Variants in A2ML1 observed in about 807,000 individuals in gnomAD.
The protein encoded by A2ML1 is alpha-2-macroglobulin like 1, also known as alpha-2-macroglobulin-like protein 1.
A2ML1 carries 161 observed loss-of-function variants against 181.9 expected under a neutral mutation model. The observed-to-expected ratio is 0.89, with a 90% CI of 0.78 to 1.01. The LOEUF (loss-of-function observed/expected upper bound fraction) is 1.01, where lower values mean the gene tolerates loss of function less well. A2ML1 is among the 50% of genes least tolerant of loss of function. The pLI is 0.00. For missense variants in A2ML1, 1,670 were observed against 1,768.1 expected, an observed-to-expected ratio of 0.94 and a Z score of 1.00; for synonymous variants, 663 against 666.8, an observed-to-expected ratio of 0.99 and a Z score of 0.09.
rs1320129583 is a variant in A2ML1, at chr12:8,863,978, C to T, written c.3687C>T (p.His1229=). The part of the protein sequence containing the change: ...TSIVAWLAKQ[H]NAYGGFSSTQ... ...TAGTGGCTTGGTTGGCCAAGCAACA[C>T]AATGCATATGGGGGCTTCTCTTCTA... The change falls in exon 29 of 36, where the codon CAC becomes CAT. Residue 1229 remains histidine (H), a synonymous_variant. Transcript: ENST00000299698. The T allele has an allele frequency of 1.9e-6, 3 of 1,612,636 alleles. No homozygotes were observed. Among genetic ancestry groups the T allele is most frequent in the Non-Finnish European group, 2.5e-6 (3 of 1,179,914 alleles).
intron 33 of A2ML1, among the ~76,000 whole-genome samples, chr12:8,871,728 T>A (rs1280586767): frequency 6.6e-6 from 1 of 152,146 alleles, no homozygotes; most frequent in Non-Finnish European, 1.5e-5. Context: ...TCTTATTAAA[T>A]TTTCCTTATA....
chr12:8,835,338 A>G (rs1943236869), intron 5 of A2ML1, among the ~76,000 whole-genome samples, 169 bp from the exon 6 acceptor site: 1 of 152,252 alleles, frequency 6.6e-6, no homozygotes, highest in Admixed American at 6.5e-5. Context: ...ATTCCGCCAT[A>G]AAGAAAGTTA....
chr12:8,879,946 C>G (rs539833464), downstream of A2ML1, among the ~76,000 whole-genome samples: 115 of 152,086 alleles, frequency 7.6e-4, no homozygotes, highest in Middle Eastern at 3.4e-3. Flanking sequence ...CCTGGGAATA[C>G]AAAGATAAAT....
intron 5 of A2ML1, 133 bp from the exon 6 acceptor site, chr12:8,835,374 C>A: frequency 9.4e-7 from 1 of 1,064,140 alleles, no homozygotes. Flanking sequence ...GCTGCTCTTC[C>A]TGGACACAGA....
intron 33 of A2ML1, among the ~76,000 whole-genome samples, chr12:8,870,574 G>T (rs755926366): frequency 6.6e-6 from 1 of 152,164 alleles, no homozygotes; most frequent in Non-Finnish European, 1.5e-5. Flanking sequence ...GCCGAGTTGT[G>T]TATAGTTTCT....
chr12:8,839,207 C>T lies in A2ML1; in HGVS notation c.1065C>T (p.Phe355=), dbSNP rs1420670296. 1 of 1,613,026 alleles carries T rather than the reference C, an allele frequency of 6.2e-7. No homozygotes were observed. Among genetic ancestry groups the T allele is most frequent in the Admixed American group, 1.7e-5 (1 of 59,954 alleles). Residue 355 remains phenylalanine (F), a synonymous_variant, in exon 10 of 36, where the codon TTC becomes TTT. Coordinates refer to ENST00000299698, the MANE Select transcript of A2ML1 (RefSeq NM_144670.6). ...EDTSNFYHPN[F]PFSGKIRVRG... is the part of the protein sequence containing the mutation. ...CCAGCAATTTTTACCATCCAAATTT[C>T]CCCTTCAGTGGGAAGGTATGTTAAA... is the stretch of plus-strand genomic sequence containing the variant.
intron 12 of A2ML1, chr12:8,844,886 A>T: frequency 3.7e-6 from 3 of 803,068 alleles, no homozygotes; most frequent in African/African-American, 3.6e-5. Flanking sequence ...CCGACCTTGG[A>T]GCCCTGCAGG....
intron 10 of A2ML1, 36 bp downstream of exon 10, chr12:8,839,258 T>A: frequency 6.7e-7 from 1 of 1,501,708 alleles, no homozygotes. Flanking sequence ...GACAAAAAAA[T>A]GCATAACCAT....
chr12:8,868,335 T>G lies in A2ML1; in HGVS notation c.4039T>G (p.Leu1347Val). ...RCEQPTSPRS[L>V]TLTIHTSYVG... ...TGAGCAACCGACTTCACCTCGATCC[T>G]TGACTCTCACTATTCACACCAGGTG... Residue 1347 changes from leucine (L) to valine (V), a missense_variant, in exon 31 of 36, where the codon TTG becomes GTG. Coordinates refer to ENST00000299698, the MANE Select transcript of A2ML1 (RefSeq NM_144670.6). The G allele has an allele frequency of 6.2e-7, 1 of 1,613,598 alleles. No homozygotes were observed. Among genetic ancestry groups the G allele is most frequent in the South Asian group, 1.1e-5 (1 of 90,854 alleles).
chr12:8,836,609 G>C (rs1032266698), intron 7 of A2ML1, among the ~76,000 whole-genome samples: 3 of 150,670 alleles, frequency 2.0e-5, no homozygotes, highest in African/African-American at 4.9e-5. Flanking sequence ...TCAACCTCTA[G>C]AGTAGCTGGG....
rs762980682 is a variant in A2ML1, at chr12:8,851,823, C to A, written c.2274C>A (p.Asp758Glu). The change falls in exon 19 of 36, where the codon GAC becomes GAA. Residue 758 changes from aspartate to glutamate, a missense_variant. Physicochemically the swap from Asp to Glu is conservative, Grantham distance 45. Coordinates refer to ENST00000299698, the MANE Select transcript of A2ML1 (RefSeq NM_144670.6). ...AGGCGGTCCACGTCACAGTTCCTGA[C>A]GCCATCACCGAGTGGAAGGCGATGA... is the stretch of plus-strand genomic sequence containing the variant. ...GKEAVHVTVP[D>E]AITEWKAMSF... 14 of 1,614,184 alleles carry A rather than the reference C, an allele frequency of 8.7e-6. No homozygotes were observed. The Admixed American group carries it at 1.5e-4, about 17-fold the overall frequency.
At chr12:8,826,626 GTTTT>G (rs1040230815) in intron 3 of A2ML1, among the ~76,000 whole-genome samples, 3 of 151,590 alleles carry the variant, frequency 2.0e-5, no homozygotes, top group Non-Finnish European at 4.4e-5. Context: ...TTTTGTTTTT[GTTTT>G]TTTGTTTTTT....
chr12:8,839,811 G>A (rs1051479921), intron 10 of A2ML1, among the ~76,000 whole-genome samples: 3 of 151,810 alleles, frequency 2.0e-5, no homozygotes, highest in Non-Finnish European at 4.4e-5. Flanking sequence ...GCAATGGCGC[G>A]ATCTCTGTTC....
intron 4 of A2ML1, among the ~76,000 whole-genome samples, chr12:8,831,739 TTTTTTG>T (rs1010242171): frequency 1.1e-3 from 162 of 151,574 alleles, no homozygotes; most frequent in Non-Finnish European, 1.6e-3. Context: ...AATCGAGTTT[TTTTTTG>T]TTTTTGTTTT....
chr12:8,861,235 C>T lies in A2ML1; in HGVS notation c.3440C>T (p.Ala1147Val). ...CTGTTGGCTTACATTTTCTCCCTGG[C>T]TGGGGAAATGGACATCAGAAACATT... ...QALLAYIFSL[A>V]GEMDIRNILL... The change falls in exon 28 of 36, where the codon GCT (alanine) becomes GTT (valine). Residue 1147 changes from alanine (A) to valine (V), a missense_variant. Physicochemically the swap from Ala to Val is moderately conservative, Grantham distance 64. Transcript: ENST00000299698. 1 of 1,614,124 alleles carries T rather than the reference C, an allele frequency of 6.2e-7. No homozygotes were observed. The highest frequency in any genetic ancestry group is 8.5e-7 in the Non-Finnish European group (1 of 1,180,022).
chr12:8,860,763 C>G, intron 26 of A2ML1, 118 bp from the exon 27 acceptor site: 2 of 871,518 alleles, frequency 2.3e-6, no homozygotes, highest in South Asian at 3.1e-5. Flanking sequence ...GCTTTCTTTT[C>G]TTTTTTCTTT....
rs370203983 is a variant in A2ML1, at chr12:8,851,843, C to T, written c.2294C>T (p.Ala765Val). The part of the protein sequence containing the change: ...TVPDAITEWK[A>V]MSFCTSQSRG... ...CCTGACGCCATCACCGAGTGGAAGG[C>T]GATGAGTTTCTGCACTTCCCAGTCA... The change falls in exon 19 of 36, where the codon GCG becomes GTG. Residue 765 changes from alanine to valine, a missense_variant. Transcript: ENST00000299698. 4.2e-5 allele frequency: 67 copies of T among 1,614,224 alleles called. No homozygotes were observed. Among genetic ancestry groups the T allele is most frequent in the Middle Eastern group, 3.3e-4 (2 of 6,060 alleles).
intron 20 of A2ML1, among the ~76,000 whole-genome samples, chr12:8,853,681 T>G (rs1188365876): frequency 6.6e-6 from 1 of 152,160 alleles, no homozygotes; most frequent in Non-Finnish European, 1.5e-5. Flanking sequence ...ACTCAGTATC[T>G]CATCACATGA....
At chr12:8,847,380 C>T (rs781388118) in intron 14 of A2ML1, among the ~76,000 whole-genome samples, 169 bp from the exon 15 acceptor site, 15 of 152,236 alleles carry the variant, frequency 9.9e-5, no homozygotes, top group Non-Finnish European at 1.6e-4. Flanking sequence ...AACTCTATCA[C>T]GGCATACACG....
Sources: allele counts gnomAD v4.1 joint callset (sites outside exome capture counted in the v4.1 genomes callset), GRCh38; gene constraint gnomAD v4.1.1; transcripts MANE v1.5; gene names NCBI Gene and HGNC (gene_info 2026-07-23, HGNC 2026-07-21).